NIBAN1: variants seen among roughly 807,000 people sequenced by gnomAD.
NIBAN1 encodes niban apoptosis regulator 1.
NIBAN1 carries 81 observed loss-of-function variants against 75.1 expected under a neutral mutation model. That is an observed-to-expected ratio of 1.08 (90% confidence interval 0.90 to 1.30). The LOEUF is 1.30. Among genes scored for constraint, NIBAN1 ranks in the 50% most tolerant of loss-of-function variants. NIBAN1 has a pLI of 0.00. For synonymous variants in NIBAN1, 436 were observed against 424.8 expected (o/e 1.03, Z -0.32); for missense variants, 1,133 against 1,128.1 (o/e 1.00, Z -0.06).
chr1:184,956,108 C>T (rs1658485158), intron 1 of NIBAN1, among the ~76,000 whole-genome samples: 2 of 151,862 alleles, frequency 1.3e-5, no homozygotes. Context: ...CTCACTGCAG[C>T]ATCTCTTGAT....
chr1:184,830,489 G>C (rs1490501362), intron 6 of NIBAN1, among the ~76,000 whole-genome samples: 1 of 151,146 alleles, frequency 6.6e-6, no homozygotes, highest in Non-Finnish European at 1.5e-5. Context: ...GAATCTACCA[G>C]ACAGAAAAAA....
chr1:184,835,320 A>T (rs972220716), intron 5 of NIBAN1, among the ~76,000 whole-genome samples: 2 of 152,210 alleles, frequency 1.3e-5, no homozygotes, highest in Admixed American at 1.3e-4. Context: ...TGTCTTGGCA[A>T]TGTGGGCTCG....
intron 6 of NIBAN1, among the ~76,000 whole-genome samples, chr1:184,829,745 C>T (rs1437811502): frequency 5.3e-5 from 8 of 152,076 alleles, no homozygotes; most frequent in Admixed American, 2.6e-4. Flanking sequence ...AGATTACAAG[C>T]GTGAGCCACT....
At chr1:184,933,563 G>T (rs1465401877) in intron 1 of NIBAN1, among the ~76,000 whole-genome samples, 1 of 152,130 alleles carries the variant, frequency 6.6e-6, no homozygotes, top group African/African-American at 2.4e-5. Flanking sequence ...CACAAATAAG[G>T]CCTCCATAGA....
chr1:184,881,217 A>C (rs1171309405), intron 5 of NIBAN1, among the ~76,000 whole-genome samples: 1 of 152,110 alleles, frequency 6.6e-6, no homozygotes, highest in Non-Finnish European at 1.5e-5. Context: ...AGAGCTCTCT[A>C]CTGGCCCTTA....
chr1:184,808,145 C>A lies in NIBAN1; in HGVS notation c.1264G>T (p.Asp422Tyr), dbSNP rs1264517310. The A allele has an allele frequency of 6.2e-7, 1 of 1,614,084 alleles. No individual in the cohort carries two copies. The highest frequency in any genetic ancestry group is 8.5e-7 in the Non-Finnish European group (1 of 1,179,986). ...KVNLLHERLQ[D>Y]LKSRFRFPHI... is the part of the protein sequence containing the mutation. ...GGGAATCTGAAGCGGCTCTTGAGAT[C>A]CTGCAGGCGCTCGTGAAGCAGGTTG... Residue 422 changes from aspartate (D) to tyrosine (Y), a missense_variant, in exon 10 of 14, where the codon GAT (aspartate) becomes TAT (tyrosine). Physicochemically the swap from Asp to Tyr is radical, Grantham distance 160. Transcript: ENST00000367511.
intron 1 of NIBAN1, among the ~76,000 whole-genome samples, chr1:184,924,085 G>A (rs914077755): frequency 2.0e-5 from 3 of 151,098 alleles, no homozygotes; most frequent in Non-Finnish European, 4.4e-5. Context: ...TTGTCTGATT[G>A]CTCTAGCTGG....
intron 1 of NIBAN1, among the ~76,000 whole-genome samples, chr1:184,904,361 A>G (rs770905950): frequency 1.3e-5 from 2 of 152,192 alleles, no homozygotes; most frequent in Non-Finnish European, 2.9e-5. Context: ...ACCCAGCCTC[A>G]GATATTTCCT....
At chr1:184,889,860 TA>T in intron 4 of NIBAN1, among the ~76,000 whole-genome samples, 1 of 152,334 alleles carries the variant, frequency 6.6e-6, no homozygotes, top group South Asian at 2.1e-4. Flanking sequence ...GCACTACTGA[TA>T]CTTTGTACCA....
chr1:184,819,848 G>A (rs921274612), intron 8 of NIBAN1, among the ~76,000 whole-genome samples: 1 of 152,198 alleles, frequency 6.6e-6, no homozygotes, highest in Non-Finnish European at 1.5e-5. Flanking sequence ...TTCAGGAGCA[G>A]GGCTAACATT....
At chr1:184,910,786 C>T (rs1325524923) in intron 1 of NIBAN1, among the ~76,000 whole-genome samples, 1 of 152,062 alleles carries the variant, frequency 6.6e-6, no homozygotes, top group African/African-American at 2.4e-5. Flanking sequence ...GCCGATTGGG[C>T]AATGTGGGTG....
At chr1:184,858,947 A>G (rs775265397) in intron 5 of NIBAN1, among the ~76,000 whole-genome samples, 8 of 152,136 alleles carry the variant, frequency 5.3e-5, no homozygotes, top group Non-Finnish European at 7.4e-5. Flanking sequence ...TCACATGGTC[A>G]CCTTAAAAAA....
At chr1:184,853,374 G>A (rs1194890902) in intron 5 of NIBAN1, among the ~76,000 whole-genome samples, 1 of 152,188 alleles carries the variant, frequency 6.6e-6, no homozygotes. Flanking sequence ...ATACAGGTCA[G>A]TTCTTGACTA....
At chr1:184,831,752 C>A in intron 6 of NIBAN1, 95 bp downstream of exon 6, 1 of 897,520 alleles carries the variant, frequency 1.1e-6, no homozygotes, top group Non-Finnish European at 1.8e-6. Context: ...ATACTTGCAA[C>A]TTTTCTGTTT....
chr1:184,958,361 G>A (rs1035099995), intron 1 of NIBAN1, among the ~76,000 whole-genome samples: 3 of 98,486 alleles, frequency 3.0e-5, no homozygotes, highest in African/African-American at 9.5e-5. Flanking sequence ...TGTGACAGAG[G>A]AGTCACACAC....
chr1:184,803,030 C>G (rs1000529096), intron 12 of NIBAN1, among the ~76,000 whole-genome samples: 1 of 152,254 alleles, frequency 6.6e-6, no homozygotes, highest in South Asian at 2.1e-4. Context: ...GAAGTCACAC[C>G]CTCGCAATCA....
At chr1:184,806,980 G>A (rs748272993) in intron 10 of NIBAN1, among the ~76,000 whole-genome samples, 10 of 152,082 alleles carry the variant, frequency 6.6e-5, no homozygotes, top group Non-Finnish European at 1.0e-4. Flanking sequence ...ATGTTGGCCA[G>A]GCTGGTCTTA....
chr1:184,880,696 G>A (rs778802480), intron 5 of NIBAN1, among the ~76,000 whole-genome samples: 18 of 152,118 alleles, frequency 1.2e-4, no homozygotes, highest in Admixed American at 4.6e-4. Flanking sequence ...ATTCCATATC[G>A]CATGTGTTCA....
chr1:184,899,292 T>G lies in NIBAN1; in HGVS notation c.73A>C (p.Ile25Leu). The G allele has an allele frequency of 6.2e-7, 1 of 1,613,866 alleles. No homozygotes were observed. Among genetic ancestry groups the G allele is most frequent in the Non-Finnish European group, 8.5e-7 (1 of 1,179,812 alleles). Residue 25 changes from isoleucine to leucine, a missense_variant, in exon 2 of 14, where the codon ATC becomes CTC. Transcript: ENST00000367511. Reference protein sequence around the residue: ...AYIRGKTEAAIKNFSPYYSRQ... With the variant: ...AYIRGKTEAALKNFSPYYSRQ... The stretch of plus-strand genomic sequence containing the variant: ...CTGTAGTAGGGACTGAAGTTTTTGA[T>G]GGCAGCCTCAGTTTTCCCTAGAAAA...
Sources: allele counts gnomAD v4.1 joint callset (sites outside exome capture counted in the v4.1 genomes callset), GRCh38; gene constraint gnomAD v4.1.1; transcripts MANE v1.5; gene names NCBI Gene and HGNC (gene_info 2026-07-23, HGNC 2026-07-21).